IFNAR2: variants seen among roughly 807,000 people sequenced by gnomAD.
The protein encoded by IFNAR2 is interferon alpha/beta receptor 2.
In IFNAR2, 30 loss-of-function variants were observed where a neutral mutation model predicts 49.4. The ratio of observed to expected loss-of-function variants is 0.61; its 90% CI spans 0.45 to 0.82. The LOEUF is 0.82. Among genes scored for constraint, IFNAR2 ranks in the 40% least tolerant of loss-of-function variants. The pLI, the probability that IFNAR2 is intolerant of heterozygous loss-of-function variation, is 0.00. For missense variants in IFNAR2, 600 were observed against 622.7 expected (o/e 0.96, Z 0.39); for synonymous variants, 224 against 234.5 (o/e 0.96, Z 0.41).
At chr21:33,237,155 CAAAGAT>C (rs892884216) in intron 1 of IFNAR2, among the ~76,000 whole-genome samples, 9 of 150,128 alleles carry the variant, frequency 6.0e-5, no homozygotes, top group African/African-American at 2.2e-4. Flanking sequence ...AGATATATAA[CAAAGAT>C]GAAGATGTGC....
At chr21:33,242,012 G>A (rs373415869) in intron 2 of IFNAR2, 35 bp downstream of exon 2, 2 of 1,599,370 alleles carry the variant, frequency 1.3e-6, no homozygotes, top group Non-Finnish European at 1.7e-6. Context: ...TCTTATAGAA[G>A]CAAGCTGTGA....
intron 1 of IFNAR2, among the ~76,000 whole-genome samples, chr21:33,238,749 C>T (rs1986679140): frequency 1.4e-5 from 2 of 147,578 alleles, no homozygotes; most frequent in Admixed American, 6.8e-5. Flanking sequence ...AAAGATGTGA[C>T]TCATATCACA....
chr21:33,255,405 A>G (rs1156454401), intron 7 of IFNAR2, among the ~76,000 whole-genome samples: 2 of 152,224 alleles, frequency 1.3e-5, no homozygotes, highest in African/African-American at 4.8e-5. Context: ...TGACTTGGCT[A>G]CAAATTCAGG....
intron 5 of IFNAR2, 72 bp from the exon 6 acceptor site, chr21:33,248,637 A>C: frequency 1.4e-6 from 2 of 1,436,112 alleles, no homozygotes; most frequent in East Asian, 5.0e-5. Flanking sequence ...GCCAGAGAAG[A>C]ACCACTTTAG....
intron 7 of IFNAR2, among the ~76,000 whole-genome samples, chr21:33,254,180 GAGTAA>G (rs1296598035): frequency 1.3e-5 from 2 of 152,300 alleles, no homozygotes; most frequent in African/African-American, 4.8e-5. Context: ...GCCAAGGGCC[GAGTAA>G]AGTAAAGTAA....
Position 33,235,198 on chromosome 21 carries a change from G to A in IFNAR2, c.-84+4982G>A, listed in dbSNP as rs17860140. On this transcript the variant is annotated intron_variant, in intron 1 of 8. Transcript: ENST00000342136. ...AGGCTTTGGCCAGCTTCTTTACTGC[G>A]TCCTGTCTTATCAGCAGGGTCTTTG... Among the ~76,000 whole-genome samples the A allele has an allele frequency of 9.2e-3, 1,403 of 152,242 alleles. 18 individuals carry two copies. Among genetic ancestry groups the A allele is most frequent in the African/African-American group, 0.03 (1,260 of 41,522 alleles).
intron 5 of IFNAR2, 42 bp downstream of exon 5, chr21:33,246,932 A>G: frequency 3.3e-6 from 5 of 1,535,172 alleles, no homozygotes; most frequent in Non-Finnish European, 4.5e-6. Context: ...CCCATCATCA[A>G]GATCTTTATT....
intron 1 of IFNAR2, chr21:33,236,860 G>T: frequency 1.0e-6 from 1 of 985,290 alleles, no homozygotes; most frequent in African/African-American, 1.7e-5. Context: ...ACTGAGACTA[G>T]CCCTGTTGAC....
At chr21:33,238,856 G>C (rs1216531536) in intron 1 of IFNAR2, among the ~76,000 whole-genome samples, 1 of 151,046 alleles carries the variant, frequency 6.6e-6, no homozygotes, top group African/African-American at 2.4e-5. Context: ...CAGTTAATGA[G>C]AAGGAGATGC....
intron 4 of IFNAR2, 57 bp downstream of exon 4, chr21:33,245,131 G>A: frequency 2.3e-6 from 3 of 1,283,904 alleles, no homozygotes; most frequent in Non-Finnish European, 3.4e-6. Context: ...GTTATATGGG[G>A]AGAGGTGATC....
intron 5 of IFNAR2, 35 bp downstream of exon 5, chr21:33,246,925 A>C: frequency 1.3e-6 from 2 of 1,545,234 alleles, no homozygotes; most frequent in Non-Finnish European, 1.8e-6. Context: ...CTTCGTCCCC[A>C]TCATCAAGAT....
intron 7 of IFNAR2, among the ~76,000 whole-genome samples, chr21:33,259,790 A>G (rs961876147): frequency 6.6e-6 from 1 of 152,330 alleles, no homozygotes; most frequent in East Asian, 1.9e-4. Flanking sequence ...ACCCTGTGCT[A>G]TCTAACAGTG....
chr21:33,242,970 G>GT (rs1221672568), intron 2 of IFNAR2, among the ~76,000 whole-genome samples: 1 of 150,862 alleles, frequency 6.6e-6, no homozygotes, highest in Non-Finnish European at 1.5e-5. Context: ...TGTATTTTTA[G>GT]TAGAGACAAG....
In IFNAR2 at chr21:33,230,683, G is replaced by GC. The variant is rs899237701; in HGVS notation, c.-84+473dup. The GC allele has an allele frequency of 2.0e-5, 9 of 442,514 alleles. No individual in the cohort carries two copies. Among genetic ancestry groups the GC allele is most frequent in the Admixed American group, 1.2e-4 (5 of 40,758 alleles). 27.4% of individuals were successfully genotyped at this position (442,514 alleles called of 1,614,324 possible). A position where few individuals can be genotyped will look rare whatever the true frequency, so the allele number is the denominator to read the frequency against. ...GCCCCCTTGAGGTCCCCTGGGATTAGCCCCCCTCGACCTGCGTCAGGGTCA... is the reference window on the plus strand; with the variant it reads ...GCCCCCTTGAGGTCCCCTGGGATTAGCCCCCCCTCGACCTGCGTCAGGGTCA... On this transcript the variant is annotated intron_variant, in intron 1 of 8. Coordinates refer to ENST00000342136, the MANE Select transcript of IFNAR2 (RefSeq NM_001289125.3). This position sits in a 1 kb window ranked among gnomAD's most constrained non-coding sequence, Gnocchi z 5.5.
At chr21:33,244,552 G>C (rs17860184) in intron 3 of IFNAR2, among the ~76,000 whole-genome samples, 21,718 of 152,146 alleles carry the variant, frequency 0.14, 2,100 homozygotes, top group African/African-American at 0.27. Context: ...TGGAGGAGCT[G>C]GGAGCAGAGT....
rs998998886 is a variant in IFNAR2 at position 33,264,686 on chromosome 21, TGGGC to T, written c.*1190_*1193del. The T allele has an allele frequency of 1.7e-5, 2 of 116,584 alleles. No homozygotes were observed. The highest frequency in any genetic ancestry group is 6.6e-5 in the African/African-American group (2 of 30,090). The allele number at this position is 116,584 out of a possible 1,614,324, so 7.2% of individuals were successfully genotyped here. On this transcript the variant is annotated 3_prime_UTR_variant, in exon 9 of 9. Coordinates refer to ENST00000342136, the MANE Select transcript of IFNAR2 (RefSeq NM_001289125.3). ...GGATCTAGGCCGGGTTGGGGGGGTG[TGGGC>T]GGGGGAAGGGAAGTCTGGCCCGGAG... is the stretch of plus-strand genomic sequence containing the variant.
At position 33,248,837 on chromosome 21, in the gene IFNAR2, G is replaced by A; in HGVS notation, c.523G>A (p.Glu175Lys). ...ATCTCTCGTCATTGAAGAACAGTCA[G>A]AGGGAATTGTTAAGAAGGTAAGTGG... ...DLSLVIEEQS[E>K]GIVKKHKPEI... is the part of the protein sequence containing the mutation. Residue 175 changes from glutamate (E) to lysine (K), a missense_variant, in exon 6 of 9, where the codon GAG (glutamate) becomes AAG (lysine). Physicochemically the swap from Glu to Lys is moderately conservative, Grantham distance 56 (BLOSUM62 1). Transcript: ENST00000342136. The A allele has an allele frequency of 6.2e-7, 1 of 1,604,768 alleles. No individual in the cohort carries two copies. The highest frequency in any genetic ancestry group is 8.5e-7 in the Non-Finnish European group (1 of 1,176,366).
At chr21:33,249,774 C>G (rs895428577) in intron 6 of IFNAR2, among the ~76,000 whole-genome samples, 1 of 152,146 alleles carries the variant, frequency 6.6e-6, no homozygotes, top group Non-Finnish European at 1.5e-5. Context: ...TGAGACCAGC[C>G]TGAGAGATAA....
chr21:33,234,494 T>A (rs547771416), intron 1 of IFNAR2, among the ~76,000 whole-genome samples: 1 of 152,314 alleles, frequency 6.6e-6, no homozygotes, highest in South Asian at 2.1e-4. Flanking sequence ...CATTGCCTCC[T>A]TGACAATGTG....
Sources: gnomAD v4.1 joint callset for allele counts (sites outside exome capture counted in the v4.1 genomes callset) on GRCh38, gnomAD v4.1.1 for gene constraint, Gnocchi (gnomAD v3.1) non-coding constraint, MANE v1.5 for transcripts, NCBI Gene and HGNC (gene_info 2026-07-23, HGNC 2026-07-21) for gene names.